Variants in DMD observed in about 807,000 individuals in gnomAD.
DMD encodes mutant dystrophin.
A neutral mutation model predicts 330.1 loss-of-function variants in DMD; 63 were observed. The ratio of observed to expected loss-of-function variants is 0.19; its 90% CI spans 0.16 to 0.24. The LOEUF (loss-of-function observed/expected upper bound fraction) is 0.24, where lower values mean the gene tolerates loss of function less well. Among genes scored for constraint, DMD ranks in the 10% least tolerant of loss-of-function variants. The pLI is 1.00. For missense variants in DMD, 3,344 were observed against 2,684.1 expected (o/e 1.25, Z -5.43); for synonymous variants, 1,223 against 959.8 (o/e 1.27, Z -5.07).
At chrX:32,988,410 G>A (rs769929566) in intron 2 of DMD, among the ~76,000 whole-genome samples, 62 of 110,284 alleles carry the variant, frequency 5.6e-4, no homozygotes, top group African/African-American at 1.9e-3. Flanking sequence ...TTTCTTTACC[G>A]TCTTAATGTC....
intron 43 of DMD, among the ~76,000 whole-genome samples, chrX:32,256,897 G>A (rs1259194214): frequency 9.0e-6 from 1 of 111,332 alleles, no homozygotes; most frequent in East Asian, 2.8e-4. Context: ...TAGTCTGATG[G>A]GCTTCCCTTT....
At chrX:31,565,666 A>G (rs932646956) in intron 55 of DMD, among the ~76,000 whole-genome samples, 24 of 111,680 alleles carry the variant, frequency 2.1e-4, no homozygotes, top group Non-Finnish European at 9.4e-5. Context: ...TGGTAGCTGC[A>G]TGTTTAGTTT....
intron 43 of DMD, among the ~76,000 whole-genome samples, chrX:32,264,251 T>C (rs1280853244): frequency 9.0e-6 from 1 of 111,602 alleles, no homozygotes; most frequent in African/African-American, 3.3e-5. Flanking sequence ...TGACAAAGGA[T>C]GTGTTTGCTT....
intron 9 of DMD, among the ~76,000 whole-genome samples, chrX:32,679,401 A>G (rs1987216039): frequency 9.0e-6 from 1 of 111,639 alleles, no homozygotes; most frequent in South Asian, 3.7e-4. Context: ...ACAATATGCA[A>G]TTCAGATTTA....
At chrX:32,219,971 TCTTTC>T (rs749039325) in intron 43 of DMD, among the ~76,000 whole-genome samples, 1 of 110,005 alleles carries the variant, frequency 9.1e-6, no homozygotes, top group South Asian at 3.9e-4. Flanking sequence ...CTACAAGTTA[TCTTTC>T]CTTTACATTC....
intron 43 of DMD, among the ~76,000 whole-genome samples, chrX:32,262,812 C>T (rs1348332951): frequency 1.8e-5 from 2 of 111,913 alleles, no homozygotes; most frequent in Admixed American, 1.9e-4. Context: ...GGGAGGCTCA[C>T]ATCTAATGAC....
chrX:32,983,319 T>C (rs1320439038), intron 2 of DMD, among the ~76,000 whole-genome samples: 1 of 111,458 alleles, frequency 9.0e-6, no homozygotes, highest in Non-Finnish European at 1.9e-5. Flanking sequence ...CATCTTGCTT[T>C]GACTACTTCT....
At chrX:33,008,971 T>C (rs1449659540) in intron 2 of DMD, among the ~76,000 whole-genome samples, 2 of 99,515 alleles carry the variant, frequency 2.0e-5, no homozygotes, top group Non-Finnish European at 4.1e-5. Flanking sequence ...CATATGTGTA[T>C]ATACACTTAT....
intron 55 of DMD, among the ~76,000 whole-genome samples, chrX:31,524,705 C>A (rs925279897): frequency 8.9e-6 from 1 of 112,268 alleles, no homozygotes; most frequent in Non-Finnish European, 1.9e-5. Context: ...TCTCTTAGAA[C>A]TCAGAGGCAA....
chrX:32,332,328 CAAG>C (rs2097684368), intron 41 of DMD, among the ~76,000 whole-genome samples: 1 of 108,364 alleles, frequency 9.2e-6, no homozygotes, highest in Admixed American at 1.0e-4. Context: ...AATAAATACT[CAAG>C]AAGATAAAGA....
At chrX:31,721,644 T>TTA (rs1342244146) in intron 52 of DMD, among the ~76,000 whole-genome samples, 3 of 95,526 alleles carry the variant, frequency 3.1e-5, no homozygotes, top group Non-Finnish European at 4.2e-5. Flanking sequence ...TATAATATTA[T>TTA]TATATATATT....
intron 62 of DMD, among the ~76,000 whole-genome samples, chrX:31,307,187 A>G (rs942967447): frequency 5.4e-5 from 6 of 111,733 alleles, no homozygotes; most frequent in African/African-American, 1.9e-4. Context: ...AGTTACAGTT[A>G]CAGTTACAGT....
chrX:32,766,134 C>A (rs1210908163), intron 7 of DMD, among the ~76,000 whole-genome samples: 2 of 110,386 alleles, frequency 1.8e-5, no homozygotes, highest in African/African-American at 6.6e-5. Flanking sequence ...GACGTATGAC[C>A]CTTCAACTTC....
intron 1 of DMD, among the ~76,000 whole-genome samples, chrX:33,159,926 C>T (rs2048692466): frequency 9.0e-6 from 1 of 111,375 alleles, no homozygotes. Context: ...TCAGGCCTAC[C>T]TCTAAAGTAT....
chrX:32,474,265 A>G (rs995474138), intron 21 of DMD, among the ~76,000 whole-genome samples: 2 of 111,053 alleles, frequency 1.8e-5, no homozygotes, highest in South Asian at 7.6e-4. Flanking sequence ...CCACTCATTC[A>G]GTGATGGGCA....
intron 45 of DMD, among the ~76,000 whole-genome samples, chrX:31,934,261 T>C (rs1169693446): frequency 9.0e-6 from 1 of 111,417 alleles, no homozygotes; most frequent in Admixed American, 9.6e-5. Context: ...AGACAGGGCC[T>C]TGAGAGAACT....
chrX:32,260,675 T>TG (rs944156239), intron 43 of DMD, among the ~76,000 whole-genome samples: 1 of 111,788 alleles, frequency 8.9e-6, no homozygotes, highest in African/African-American at 3.2e-5. Flanking sequence ...TGACTCTCAG[T>TG]GCTGCCCTCC....
chrX:32,513,023 G>A (rs1455527590), intron 18 of DMD, among the ~76,000 whole-genome samples: 3 of 111,734 alleles, frequency 2.7e-5, no homozygotes, highest in African/African-American at 9.8e-5. Context: ...TGAAGATGAG[G>A]GATATTTGGT....
chrX:32,972,400 A>G lies in DMD; in HGVS notation c.93+47739T>C, dbSNP rs1020636476. Among the ~76,000 whole-genome samples, 3 of 110,681 alleles carry G rather than the reference A, an allele frequency of 2.7e-5. No homozygotes were observed. The East Asian group carries it at 8.5e-4, about 31-fold the overall frequency. ...TTGCCATGTTACCCTGGCTTGCCTC[A>G]AACTCCTGAGCTCAAGTGATCTGCC... On this transcript the variant is annotated intron_variant, in intron 2 of 78. Transcript: ENST00000357033.
Sources: gnomAD v4.1 joint callset for allele counts (sites outside exome capture counted in the v4.1 genomes callset) on GRCh38, gnomAD v4.1.1 for gene constraint, MANE v1.5 for transcripts, NCBI Gene and HGNC (gene_info 2026-07-23, HGNC 2026-07-21) for gene names.